The following SLIT1 variants were observed in gnomAD, a reference collection of about 807,000 sequenced individuals.
SLIT1 encodes the protein slit homolog 1 protein.
Under a neutral mutation model 186.1 loss-of-function variants are expected in SLIT1, and 66 were observed. The ratio of observed to expected loss-of-function variants is 0.35; its 90% CI spans 0.29 to 0.44. The LOEUF (loss-of-function observed/expected upper bound fraction) is 0.44. Among genes scored for constraint, SLIT1 ranks in the 20% least tolerant of loss-of-function variants. The pLI is 1.00. For synonymous variants in SLIT1, 761 were observed against 833.8 expected (o/e 0.91, Z 1.50); for missense variants, 1,638 against 2,037.4 (o/e 0.80, Z 3.77).
chr10:97,046,953 C>T (rs371562407), intron 17 of SLIT1, 38 bp downstream of exon 17: 6 of 1,571,324 alleles, frequency 3.8e-6, no homozygotes, highest in Middle Eastern at 1.7e-4. Context: ...CCCTGGCCAG[C>T]ATCCCAACAG....
chr10:97,048,454 G>A (rs2134626878), intron 14 of SLIT1, among the ~76,000 whole-genome samples: 1 of 152,312 alleles, frequency 6.6e-6, no homozygotes, highest in Middle Eastern at 3.4e-3. Flanking sequence ...CCTCCTGAGT[G>A]TCTTAAAAGG....
intron 4 of SLIT1, among the ~76,000 whole-genome samples, chr10:97,097,353 T>C (rs984044258): frequency 6.6e-6 from 1 of 152,214 alleles, no homozygotes; most frequent in Non-Finnish European, 1.5e-5. Context: ...ACTTCACTTG[T>C]AGAAGGTCTC....
At chr10:97,107,737 C>G (rs1211397280) in intron 4 of SLIT1, among the ~76,000 whole-genome samples, 1 of 152,172 alleles carries the variant, frequency 6.6e-6, no homozygotes, top group South Asian at 2.1e-4. Flanking sequence ...GCCCCACCCC[C>G]ACGTGCTGCC....
At chr10:97,143,089 TAA>T in intron 4 of SLIT1, among the ~76,000 whole-genome samples, 1 of 152,254 alleles carries the variant, frequency 6.6e-6, no homozygotes, top group East Asian at 1.9e-4. Flanking sequence ...CTCAAAAAAT[TAA>T]AAATAGAACT....
chr10:97,093,790 T>C (rs1384487022), intron 4 of SLIT1, among the ~76,000 whole-genome samples: 1 of 152,212 alleles, frequency 6.6e-6, no homozygotes, highest in Non-Finnish European at 1.5e-5. Context: ...GAGCTAGCAG[T>C]ACCCAACACT....
chr10:97,185,504 C>T lies in SLIT1; in HGVS notation c.171G>A (p.Lys57=). The stretch of plus-strand genomic sequence containing the variant: ...GGCGCTCGGTGTTCCGAGGTATATT[C>T]TTGGGAATGGCCTGCAGCCCCGTGC... ...CHGTGLQAIP[K]NIPRNTERLE... The change falls in exon 1 of 37, where the codon AAG becomes AAA. Residue 57 remains lysine (K), a synonymous_variant. Coordinates refer to ENST00000266058, the MANE Select transcript of SLIT1 (RefSeq NM_003061.3). 1 of 1,612,420 alleles carries T rather than the reference C, an allele frequency of 6.2e-7. No individual in the cohort carries two copies. The highest frequency in any genetic ancestry group is 8.5e-7 in the Non-Finnish European group (1 of 1,179,700).
In SLIT1 at chr10:97,004,972, T is replaced by G; in HGVS notation, c.3580-149A>C. 2 of 893,242 alleles carry G rather than the reference T, an allele frequency of 2.2e-6. No homozygotes were observed. Among genetic ancestry groups the G allele is most frequent in the South Asian group, 1.6e-5 (1 of 61,122 alleles). 55.3% of individuals were successfully genotyped at this position (893,242 alleles called of 1,614,324 possible). ...CACCTGGCCAGCCTCCCCAAGGCCA[T>G]TCCTCCAGGGGGCACCAATAGGGGC... On this transcript the variant is annotated intron_variant, in intron 32 of 36. Transcript: ENST00000266058. This position sits in a 1 kb window ranked among gnomAD's most constrained non-coding sequence, Gnocchi z 5.1.
intron 4 of SLIT1, among the ~76,000 whole-genome samples, chr10:97,072,625 C>CA (rs1371121903): frequency 2.0e-5 from 3 of 152,160 alleles, no homozygotes; most frequent in African/African-American, 7.2e-5. Flanking sequence ...AGCCCACAGC[C>CA]GGAACCAGCC....
intron 25 of SLIT1, among the ~76,000 whole-genome samples, chr10:97,029,365 A>G (rs147875003): frequency 8.5e-5 from 13 of 152,340 alleles, no homozygotes; most frequent in African/African-American, 2.6e-4. Flanking sequence ...TGGGGCCCCA[A>G]AAGGCTCTCC....
At chr10:97,063,909 A>T (rs1848918637) in intron 7 of SLIT1, among the ~76,000 whole-genome samples, 1 of 151,776 alleles carries the variant, frequency 6.6e-6, no homozygotes, top group Non-Finnish European at 1.5e-5. Flanking sequence ...TCCCCAAACC[A>T]CCTGGCTCAT....
At chr10:97,136,545 G>A (rs533851359) in intron 4 of SLIT1, among the ~76,000 whole-genome samples, 2 of 152,202 alleles carry the variant, frequency 1.3e-5, no homozygotes, top group South Asian at 4.1e-4. Flanking sequence ...ACAACAAAAA[G>A]CTTCAGGCTC....
At chr10:97,042,878 G>C in intron 20 of SLIT1, 23 bp downstream of exon 20, 1 of 1,610,050 alleles carries the variant, frequency 6.2e-7, no homozygotes, top group South Asian at 1.1e-5. Context: ...CCTCTCCCTT[G>C]CCACCGGGGG....
intron 18 of SLIT1, 69 bp downstream of exon 18, chr10:97,046,585 C>A: frequency 6.8e-7 from 1 of 1,477,478 alleles, no homozygotes; most frequent in Non-Finnish European, 9.0e-7. Context: ...CAGCCTCTCT[C>A]TTCCTTTCCC....
chr10:97,147,762 C>G (rs1411251681), intron 4 of SLIT1, among the ~76,000 whole-genome samples: 1 of 151,692 alleles, frequency 6.6e-6, no homozygotes, highest in African/African-American at 2.4e-5. Flanking sequence ...TAGAACATTT[C>G]TAGGTCTAGA....
intron 4 of SLIT1, among the ~76,000 whole-genome samples, chr10:97,109,918 G>A (rs1396307179): frequency 2.0e-5 from 3 of 152,166 alleles, no homozygotes; most frequent in Non-Finnish European, 2.9e-5. Context: ...AATTGAGGGG[G>A]AAAGAACACT....
chr10:97,123,463 T>A (rs1032812183), intron 4 of SLIT1, among the ~76,000 whole-genome samples: 2 of 152,074 alleles, frequency 1.3e-5, no homozygotes, highest in African/African-American at 4.8e-5. Flanking sequence ...CTCAAACAAT[T>A]TCAGAACAAG....
Position 97,043,450 on chromosome 10 carries a change from G to A in SLIT1, c.1917C>T (p.Val639=), listed in dbSNP as rs769715876. ...HNDSFTGLRN[V]RLLSLYDNQI... ...GGTTGTCGTAGAGCGAGAGGAGCCG[G>A]ACGTTGCGCAGGCCCGTGAAGCTGT... Residue 639 remains valine, a synonymous_variant, in exon 19 of 37, where the codon GTC becomes GTT. Coordinates refer to ENST00000266058, the MANE Select transcript of SLIT1 (RefSeq NM_003061.3). The surrounding 1 kb of genome is among the most constrained non-coding windows in gnomAD (Gnocchi z 7.0). 12 of 1,613,892 alleles carry A rather than the reference G, an allele frequency of 7.4e-6. No individual in the cohort carries two copies.
chr10:97,069,655 G>A lies in SLIT1; in HGVS notation c.414-3569C>T, dbSNP rs572928116. Among the ~76,000 whole-genome samples the A allele has an allele frequency of 3.3e-5, 5 of 152,350 alleles. No individual in the cohort carries two copies. In the South Asian group the frequency reaches 8.3e-4, roughly 25 times the overall value. On this transcript the variant is annotated intron_variant, in intron 4 of 36. Coordinates refer to ENST00000266058, the MANE Select transcript of SLIT1 (RefSeq NM_003061.3). ...CAGAAATGGAAAATGAGGAAAGGGT[G>A]TTCTAAGCAGCGGTAACAGCATGTG...
At chr10:97,110,186 T>TG (rs760164694) in intron 4 of SLIT1, among the ~76,000 whole-genome samples, 1 of 152,104 alleles carries the variant, frequency 6.6e-6, no homozygotes, top group Non-Finnish European at 1.5e-5. Flanking sequence ...CATATAGAGG[T>TG]GCCAGCCCTT....
Sources: gnomAD v4.1 joint callset for allele counts (sites outside exome capture counted in the v4.1 genomes callset) on GRCh38, gnomAD v4.1.1 for gene constraint, Gnocchi (gnomAD v3.1) non-coding constraint, MANE v1.5 for transcripts, NCBI Gene and HGNC (gene_info 2026-07-23, HGNC 2026-07-21) for gene names.